ANKRD30A: variants seen among roughly 807,000 people sequenced by gnomAD.
ANKRD30A encodes the protein ankyrin repeat domain 30A.
Under a neutral mutation model 166.3 loss-of-function variants are expected in ANKRD30A, and 170 were observed. That is an observed-to-expected ratio of 1.02 (90% CI 0.90 to 1.16). ANKRD30A has a LOEUF of 1.16. Ranked by LOEUF, ANKRD30A falls within the 50% of genes most tolerant of loss-of-function variation. ANKRD30A has a pLI of 0.00. For synonymous variants in ANKRD30A, 564 were observed against 508.9 expected (o/e 1.11, Z -1.46); for missense variants, 1,630 against 1,518.0 (o/e 1.07, Z -1.23).
At chr10:37,220,847 G>A (rs1311714779) in intron 34 of ANKRD30A, among the ~76,000 whole-genome samples, 1 of 150,974 alleles carries the variant, frequency 6.6e-6, no homozygotes, top group Non-Finnish European at 1.5e-5. Context: ...GGTCAGGAGG[G>A]ATGCAGAGAC....
chr10:37,147,177 G>A (rs940713420), intron 8 of ANKRD30A, among the ~76,000 whole-genome samples, 193 bp from the exon 9 acceptor site: 27 of 152,222 alleles, frequency 1.8e-4, no homozygotes, highest in African/African-American at 5.8e-4. Context: ...GCTGCATGAA[G>A]ATAACAGATA....
At chr10:37,233,373 G>A (rs1018455018), downstream of ANKRD30A, among the ~76,000 whole-genome samples, 1 of 152,114 alleles carries the variant, frequency 6.6e-6, no homozygotes, top group African/African-American at 2.4e-5. Flanking sequence ...TGAAGTGTTA[G>A]TCATGATGCA....
In ANKRD30A at chr10:37,159,408, C is replaced by A. The variant is rs554245325; in HGVS notation, c.1900+822C>A. Among the ~76,000 whole-genome samples, 290 of 152,208 alleles carry A rather than the reference C, an allele frequency of 1.9e-3. 1 individual carries two copies. Among genetic ancestry groups the A allele is most frequent in the Non-Finnish European group, 3.0e-3 (205 of 67,990 alleles). ...TGGTGGGTGCCTGTCATCTCAGCTA[C>A]TCTGGAGGCTGAGGTGGGAGAATCG... On this transcript the variant is annotated intron_variant, in intron 15 of 35. Transcript: ENST00000361713.
intron 31 of ANKRD30A, among the ~76,000 whole-genome samples, chr10:37,212,353 C>T: frequency 6.6e-6 from 1 of 151,914 alleles, no homozygotes; most frequent in East Asian, 1.9e-4. Flanking sequence ...CAAACCACTG[C>T]CCAATGAAAT....
At chr10:37,159,045 AT>A (rs1451176327) in intron 15 of ANKRD30A, among the ~76,000 whole-genome samples, 3 of 152,142 alleles carry the variant, frequency 2.0e-5, no homozygotes, top group Non-Finnish European at 2.9e-5. Flanking sequence ...GTGACTTTTA[AT>A]TTTAAAAAAT....
intron 30 of ANKRD30A, among the ~76,000 whole-genome samples, chr10:37,200,909 T>G (rs978720821): frequency 3.9e-5 from 6 of 152,066 alleles, no homozygotes; most frequent in Non-Finnish European, 7.4e-5. Context: ...TCATATTTAT[T>G]GTTGTTGAGG....
At chr10:37,139,163 G>A (rs905575452) in intron 6 of ANKRD30A, among the ~76,000 whole-genome samples, 2 of 152,218 alleles carry the variant, frequency 1.3e-5, no homozygotes, top group African/African-American at 4.8e-5. Context: ...ATACTTTACA[G>A]ACAAGCAAAT....
chr10:37,184,095 C>G (rs1271975579), intron 24 of ANKRD30A, among the ~76,000 whole-genome samples: 2 of 151,066 alleles, frequency 1.3e-5, no homozygotes, highest in Admixed American at 1.3e-4. Context: ...AAGGAGAGGC[C>G]TTTCATGGGA....
intron 13 of ANKRD30A, among the ~76,000 whole-genome samples, chr10:37,157,020 G>A (rs1310075121): frequency 6.6e-6 from 1 of 152,100 alleles, no homozygotes; most frequent in African/African-American, 2.4e-5. Flanking sequence ...AACATATATA[G>A]TTGATATTTC....
chr10:37,154,430 C>A lies in ANKRD30A; in HGVS notation c.1798+768C>A, dbSNP rs180698846. ...TTGCTCTGGGTAGCAAGAGGAGAGG[C>A]CTTTTGTGGGAAAAATGTGGAAGAA... On this transcript the variant is annotated intron_variant, in intron 13 of 35. Transcript: ENST00000361713. 1.1e-3 allele frequency among the ~76,000 whole-genome samples: 168 copies of A among 152,094 alleles called. 2 individuals carry two copies. The highest frequency in any genetic ancestry group is 4.8e-3 in the South Asian group (23 of 4,814).
the ANKRD30A span, among the ~76,000 whole-genome samples, chr10:37,254,224 G>A: frequency 6.6e-6 from 1 of 152,134 alleles, no homozygotes; most frequent in Non-Finnish European, 1.5e-5. Flanking sequence ...TTTCTCTTGT[G>A]TATGTACCTA....
intron 31 of ANKRD30A, 107 bp from the exon 32 acceptor site, chr10:37,216,074 G>A: frequency 1.5e-6 from 1 of 686,960 alleles, no homozygotes; most frequent in Non-Finnish European, 2.3e-6. Context: ...CCACGTGGTA[G>A]GCAATCAATA....
chr10:37,247,705 A>T, the ANKRD30A span, among the ~76,000 whole-genome samples: 4 of 119,020 alleles, frequency 3.4e-5, no homozygotes, highest in Non-Finnish European at 5.2e-5. Context: ...CGCCGTCTCT[A>T]CTAAAAATAC....
intron 11 of ANKRD30A, 96 bp from the exon 12 acceptor site, chr10:37,151,964 C>A: frequency 8.8e-7 from 1 of 1,132,362 alleles, no homozygotes; most frequent in Non-Finnish European, 1.3e-6. Context: ...AGAGGAAAAA[C>A]CACAGATTCG....
In ANKRD30A at chr10:37,217,728, A is replaced by G. The variant is rs200425638; in HGVS notation, c.3117A>G (p.Arg1039=). 1.9e-6 allele frequency: 3 copies of G among 1,586,270 alleles called. No homozygotes were observed. The highest frequency in any genetic ancestry group is 3.4e-4 in the Middle Eastern group (2 of 5,882). ...TAAACCAAGAAGAAGAGAAGAGAAG[A>G]AATGCCGATATATTAAATGAAAAAA... ...LTLNQEEEKR[R]NADILNEKIR... The change falls in exon 33 of 36, where the codon AGA becomes AGG. Residue 1039 remains arginine, a synonymous_variant. Transcript: ENST00000361713.
At chr10:37,179,013 A>AATATATATAT (rs139390228) in intron 24 of ANKRD30A, among the ~76,000 whole-genome samples, 106 of 116,792 alleles carry the variant, frequency 9.1e-4, no homozygotes, top group South Asian at 1.3e-3. Flanking sequence ...TGAGGCGTCA[A>AATATATATAT]ATATATATAT....
intron 19 of ANKRD30A, 134 bp downstream of exon 19, chr10:37,166,829 C>A: frequency 7.1e-7 from 1 of 1,404,648 alleles, no homozygotes; most frequent in Non-Finnish European, 9.6e-7. Context: ...GTGCAATGGT[C>A]ATAAGTTATG....
At chr10:37,243,559 G>T in the ANKRD30A span, among the ~76,000 whole-genome samples, 4 of 152,048 alleles carry the variant, frequency 2.6e-5, no homozygotes, top group African/African-American at 4.8e-5. Flanking sequence ...ACAGTAACCT[G>T]TCTCCTTTCA....
At chr10:37,205,850 G>A (rs1293365110) in intron 31 of ANKRD30A, among the ~76,000 whole-genome samples, 3 of 152,166 alleles carry the variant, frequency 2.0e-5, no homozygotes, top group African/African-American at 7.2e-5. Context: ...TAAATTCTCT[G>A]ATGATGCTGA....
Sources: allele counts gnomAD v4.1 joint callset (sites outside exome capture counted in the v4.1 genomes callset), GRCh38; gene constraint gnomAD v4.1.1; transcripts MANE v1.5; gene names NCBI Gene and HGNC (gene_info 2026-07-23, HGNC 2026-07-21).